The following DNAJC10 variants were observed in gnomAD, a reference collection of about 807,000 sequenced individuals.
DNAJC10 encodes DnaJ heat shock protein family (Hsp40) member C10.
A neutral mutation model predicts 115.0 loss-of-function variants in DNAJC10; 101 were observed. The ratio of observed to expected loss-of-function variants is 0.88; its 90% CI spans 0.75 to 1.04. The LOEUF (loss-of-function observed/expected upper bound fraction) is 1.04. DNAJC10 is among the 50% of genes least tolerant of loss of function. The pLI is 0.00. For synonymous variants in DNAJC10, 307 were observed against 301.5 expected (o/e 1.02, Z -0.19); for missense variants, 981 against 928.8 (o/e 1.06, Z -0.73).
At chr2:182,746,362 T>C (rs1000255161) in intron 14 of DNAJC10, among the ~76,000 whole-genome samples, 2 of 152,142 alleles carry the variant, frequency 1.3e-5, no homozygotes, top group Non-Finnish European at 2.9e-5. Context: ...AGTGTAAAAG[T>C]GTTCCTATTT....
rs375425715 is a variant in DNAJC10 at position 182,734,275 on chromosome 2, G to GAT, written c.849+1745_849+1746dup. On this transcript the variant is annotated intron_variant, in intron 10 of 23. Coordinates refer to ENST00000264065, the MANE Select transcript of DNAJC10 (RefSeq NM_018981.4). ...CAGCTTTAGATACATCTTCTATTTT[G>GAT]ATATATATATATAGTATTTTGATTA... 3.4e-4 allele frequency among the ~76,000 whole-genome samples: 51 copies of GAT among 149,084 alleles called. 1 individual carries two copies. Among genetic ancestry groups the GAT allele is most frequent in the African/African-American group, 1.0e-3 (41 of 40,900 alleles).
intron 14 of DNAJC10, among the ~76,000 whole-genome samples, chr2:182,750,225 TG>T (rs1693980805): frequency 6.6e-6 from 1 of 152,150 alleles, no homozygotes; most frequent in South Asian, 2.1e-4. Context: ...TACCGTTCAA[TG>T]TAAGTGGACT....
chr2:182,760,032 A>T (rs536634640), intron 21 of DNAJC10, among the ~76,000 whole-genome samples: 2 of 152,150 alleles, frequency 1.3e-5, no homozygotes, highest in Non-Finnish European at 2.9e-5. Flanking sequence ...TCTCTGACTT[A>T]CTAAGTTTCT....
Position 182,730,031 on chromosome 2 carries a change from G to T in DNAJC10, c.727+90G>T, listed in dbSNP as rs1002940143. 4.9e-6 allele frequency: 4 copies of T among 808,910 alleles called. No individual in the cohort carries two copies. The Admixed American group carries it at 9.8e-5, about 20-fold the overall frequency. 50.1% of individuals were successfully genotyped at this position (808,910 alleles called of 1,614,324 possible). The stretch of plus-strand genomic sequence containing the variant: ...TGGCAATATTAACATTTTGGTCATG[G>T]TATTGAAATTTTAAAGTGTCTTTTC... On this transcript the variant is annotated intron_variant, in intron 8 of 23. Transcript: ENST00000264065.
chr2:182,788,873 T>G lies in DNAJC10; in HGVS notation c.*11741T>G, dbSNP rs1335070443. On this transcript the variant is annotated 3_prime_UTR_variant, in exon 24 of 24. Coordinates refer to ENST00000264065, the MANE Select transcript of DNAJC10 (RefSeq NM_018981.4). The stretch of plus-strand genomic sequence containing the variant: ...TTCACGTTAAAGGTCATTTTGTGTC[T>G]TCTTTAAAACTCTTGATTCCTTTTA... 3 of 449,928 alleles carry G rather than the reference T, an allele frequency of 6.7e-6. No individual in the cohort carries two copies. The highest frequency in any genetic ancestry group is 2.0e-5 in the African/African-American group (1 of 49,524). The allele number at this position is 449,928 out of a possible 1,614,324, so 27.9% of individuals were successfully genotyped here. A position where few individuals can be genotyped will look rare whatever the true frequency, so the allele number is the denominator to read the frequency against.
chr2:182,724,301 G>C (rs890516367), intron 5 of DNAJC10, among the ~76,000 whole-genome samples: 3 of 152,024 alleles, frequency 2.0e-5, no homozygotes, highest in Non-Finnish European at 2.9e-5. Context: ...CTAGCCAATA[G>C]TGCAGTTTAT....
intron 22 of DNAJC10, among the ~76,000 whole-genome samples, chr2:182,770,892 CA>C (rs1479346394): frequency 1.3e-5 from 2 of 152,156 alleles, no homozygotes; most frequent in Non-Finnish European, 2.9e-5. Context: ...TGCTGGTTTT[CA>C]AAGGGAATGC....
chr2:182,771,744 A>G (rs959871274), intron 22 of DNAJC10, among the ~76,000 whole-genome samples: 1 of 152,082 alleles, frequency 6.6e-6, no homozygotes, highest in East Asian at 1.9e-4. Context: ...TTAGCAGCCT[A>G]TCAATTTTGT....
At chr2:182,775,174 C>A (rs1353821580) in intron 22 of DNAJC10, 142 bp from the exon 23 acceptor site, 4 of 537,336 alleles carry the variant, frequency 7.4e-6, no homozygotes, top group East Asian at 3.2e-5. Context: ...AGCATTATTT[C>A]CTTGAAGAGA....
chr2:182,787,363 TTCCC>T lies in DNAJC10; in HGVS notation c.*10232_*10235del, dbSNP rs1694966515. On this transcript the variant is annotated 3_prime_UTR_variant, in exon 24 of 24. Transcript: ENST00000264065. ...GAAAATAGGGTGGGCCTACTGTCTC[TTCCC>T]ACTGTTTACCTGGTGTTTTGATTCT... 5.9e-5 allele frequency: 9 copies of T among 152,206 alleles called. No homozygotes were observed. Among genetic ancestry groups the T allele is most frequent in the Admixed American group, 5.9e-4 (9 of 15,266 alleles). 9.4% of individuals were successfully genotyped at this position (152,206 alleles called of 1,614,324 possible). A position where few individuals can be genotyped will look rare whatever the true frequency, so the allele number is the denominator to read the frequency against.
At chr2:182,748,853 G>C (rs1487062224) in intron 14 of DNAJC10, among the ~76,000 whole-genome samples, 2 of 151,820 alleles carry the variant, frequency 1.3e-5, no homozygotes, top group African/African-American at 4.8e-5. Flanking sequence ...GTGGTATGTT[G>C]TGTCTTTGTT....
chr2:182,743,321 T>C (rs1054346209), intron 13 of DNAJC10, among the ~76,000 whole-genome samples: 1 of 152,224 alleles, frequency 6.6e-6, no homozygotes, highest in African/African-American at 2.4e-5. Context: ...ATATAAACAT[T>C]CTCTACATCT....
At chr2:182,759,368 A>T in intron 21 of DNAJC10, 61 bp downstream of exon 21, 1 of 1,491,886 alleles carries the variant, frequency 6.7e-7, no homozygotes, top group Non-Finnish European at 9.1e-7. Context: ...ATTAGATAAA[A>T]CATTGTAAGT....
intron 14 of DNAJC10, among the ~76,000 whole-genome samples, chr2:182,749,165 A>G (rs1156502721): frequency 1.3e-5 from 2 of 149,718 alleles, no homozygotes; most frequent in East Asian, 1.9e-4. Context: ...GTAGATGTCT[A>G]TTAGGTCTGC....
rs372353156 is a variant in DNAJC10 at position 182,793,792 on chromosome 2, T to C, written c.*16660T>C. On this transcript the variant is annotated 3_prime_UTR_variant, in exon 24 of 24. Transcript: ENST00000264065. ...TCCTCTTGCTTATTTAATTTAGCAATCCTAAAATTTTCCAGAGAGGAAACA... is the reference window on the plus strand; with the variant it reads ...TCCTCTTGCTTATTTAATTTAGCAACCCTAAAATTTTCCAGAGAGGAAACA... 36 of 147,478 alleles carry C rather than the reference T, an allele frequency of 2.4e-4. No homozygotes were observed. The highest frequency in any genetic ancestry group is 8.7e-4 in the African/African-American group (34 of 39,184). 9.1% of individuals were successfully genotyped at this position (147,478 alleles called of 1,614,324 possible).
At chr2:182,729,282 G>A (rs1693375512) in intron 7 of DNAJC10, among the ~76,000 whole-genome samples, 1 of 152,002 alleles carries the variant, frequency 6.6e-6, no homozygotes, top group African/African-American at 2.4e-5. Context: ...CCGAGTAGCT[G>A]GGACTACAGG....
intron 22 of DNAJC10, among the ~76,000 whole-genome samples, chr2:182,770,176 A>C (rs996376179): frequency 5.9e-5 from 9 of 151,920 alleles, no homozygotes; most frequent in African/African-American, 9.7e-5. Flanking sequence ...TGGTCTATAT[A>C]TCTGTTTTGG....
At chr2:182,739,766 C>A in intron 11 of DNAJC10, 1 of 1,000,018 alleles carries the variant, frequency 1.0e-6, no homozygotes, top group Non-Finnish European at 1.2e-6. Flanking sequence ...AGATGAAAAC[C>A]TCTATAATGA....
At chr2:182,719,929 T>A (rs1693104739) in intron 3 of DNAJC10, 78 bp from the exon 4 acceptor site, 5 of 833,090 alleles carry the variant, frequency 6.0e-6, no homozygotes, top group Admixed American at 2.9e-5. Context: ...CTAGATTAAT[T>A]AAACCTACAT....
Sources: allele counts gnomAD v4.1 joint callset (sites outside exome capture counted in the v4.1 genomes callset), GRCh38; gene constraint gnomAD v4.1.1; transcripts MANE v1.5; gene names NCBI Gene and HGNC (gene_info 2026-07-23, HGNC 2026-07-21).